The following COPG2 variants were observed in gnomAD, a reference collection of about 807,000 sequenced individuals.
COPG2 encodes the protein coat protein complex I subunit gamma 2.
In COPG2, 37 loss-of-function variants were observed where a neutral mutation model predicts 46.3. That is an observed-to-expected ratio of 0.80 (90% CI 0.61 to 1.05). The LOEUF (loss-of-function observed/expected upper bound fraction) is 1.05, where lower values mean the gene tolerates loss of function less well. COPG2 is among the 50% of genes least tolerant of loss of function. The pLI, the probability that COPG2 is intolerant of heterozygous loss-of-function variation, is 0.00. For synonymous variants in COPG2, 159 were observed against 129.7 expected (o/e 1.23, Z -1.53); for missense variants, 427 against 387.8 (o/e 1.10, Z -0.85).
At chr7:130,648,972 A>G (rs913049255) in intron 5 of COPG2, among the ~76,000 whole-genome samples, 7 of 152,032 alleles carry the variant, frequency 4.6e-5, no homozygotes, top group Non-Finnish European at 7.4e-5. Flanking sequence ...CTTTCACTTC[A>G]TCCTCTCTCT....
At chr7:130,541,533 G>C (rs1239118687) in intron 20 of COPG2, among the ~76,000 whole-genome samples, 1 of 152,050 alleles carries the variant, frequency 6.6e-6, no homozygotes, top group Non-Finnish European at 1.5e-5. Flanking sequence ...AGATGAGGAC[G>C]GGCAGAGAGC....
intron 20 of COPG2, among the ~76,000 whole-genome samples, chr7:130,516,052 T>G (rs1266322438): frequency 6.6e-6 from 1 of 152,180 alleles, no homozygotes; most frequent in African/African-American, 2.4e-5. Flanking sequence ...CAGTACTGAA[T>G]CTATGGAACT....
intron 9 of COPG2, chr7:130,607,851 AC>A (rs1379434830): frequency 1.2e-5 from 6 of 517,266 alleles, no homozygotes; most frequent in Non-Finnish European, 1.9e-5. Context: ...AAAAAACCCC[AC>A]AAATTTCACC....
chr7:130,538,582 G>A, intron 20 of COPG2, among the ~76,000 whole-genome samples: 1 of 151,892 alleles, frequency 6.6e-6, no homozygotes, highest in Non-Finnish European at 1.5e-5. Flanking sequence ...GGGGGAAGGT[G>A]CCTAAGTCAC....
rs13308586 is a variant in COPG2, at chr7:130,615,219, C to T, written c.400-1583G>A. ...AACTCATAGGAAGTTATGTACATAA[C>T]AGAATGCCAGTGCATTCTTTTATAC... On this transcript the variant is annotated intron_variant, in intron 6 of 23. Transcript: ENST00000425248. 4.6e-5 allele frequency among the ~76,000 whole-genome samples: 7 copies of T among 152,298 alleles called. No individual in the cohort carries two copies. In the East Asian group the frequency reaches 1.3e-3, roughly 29 times the overall value.
chr7:130,610,746 T>C (rs1299525032), intron 9 of COPG2: 3 of 657,718 alleles, frequency 4.6e-6, no homozygotes, highest in Non-Finnish European at 8.1e-6. Flanking sequence ...TAATGTGCTA[T>C]TAATAATTAA....
At chr7:130,561,513 C>T (rs991702011) in intron 11 of COPG2, among the ~76,000 whole-genome samples, 168 of 152,256 alleles carry the variant, frequency 1.1e-3, no homozygotes, top group African/African-American at 3.5e-3. Context: ...TGTTCATATA[C>T]GTCTATTCTA....
intron 20 of COPG2, among the ~76,000 whole-genome samples, chr7:130,515,299 T>C (rs1359318839): frequency 6.6e-6 from 1 of 151,862 alleles, no homozygotes; most frequent in Non-Finnish European, 1.5e-5. Flanking sequence ...AGGTGAATGG[T>C]GGGGAGCCAG....
chr7:130,599,123 T>C (rs1794584360), intron 9 of COPG2, among the ~76,000 whole-genome samples: 1 of 152,084 alleles, frequency 6.6e-6, no homozygotes, highest in Non-Finnish European at 1.5e-5. Context: ...AGGAAGCAGA[T>C]ATAGAAAACT....
chr7:130,509,496 G>A (rs1222700743), intron 20 of COPG2, among the ~76,000 whole-genome samples: 3 of 152,142 alleles, frequency 2.0e-5, no homozygotes, highest in African/African-American at 7.2e-5. Context: ...TTATTTGGGG[G>A]ATAGGCAAGG....
intron 20 of COPG2, among the ~76,000 whole-genome samples, chr7:130,537,092 C>CG (rs1170544770): frequency 1.3e-5 from 2 of 151,512 alleles, no homozygotes; most frequent in African/African-American, 4.8e-5. Context: ...GCATTCGTAC[C>CG]GGGGGGACGA....
At chr7:130,653,833 G>A (rs1795797809) in intron 4 of COPG2, among the ~76,000 whole-genome samples, 1 of 152,052 alleles carries the variant, frequency 6.6e-6, no homozygotes, top group African/African-American at 2.4e-5. Context: ...GAGGATCCTC[G>A]TGGTGATTAA....
At chr7:130,631,768 CTT>C (rs1423810232) in intron 5 of COPG2, among the ~76,000 whole-genome samples, 1 of 152,038 alleles carries the variant, frequency 6.6e-6, no homozygotes, top group Non-Finnish European at 1.5e-5. Flanking sequence ...AGTCAATTAA[CTT>C]TTAAAATTAC....
At chr7:130,659,224 G>T (rs180801469) in intron 4 of COPG2, among the ~76,000 whole-genome samples, 10 of 151,390 alleles carry the variant, frequency 6.6e-5, no homozygotes, top group Admixed American at 6.6e-4. Context: ...GTGTGGTGGC[G>T]GGTGCCTGTA....
chr7:130,528,816 AAAG>A (rs1370894232), intron 20 of COPG2, among the ~76,000 whole-genome samples: 18 of 152,010 alleles, frequency 1.2e-4, no homozygotes, highest in African/African-American at 4.1e-4. Flanking sequence ...GCGCTGCAGT[AAAG>A]GAGGCATGCC....
At chr7:130,637,512 A>G (rs902181925) in intron 5 of COPG2, among the ~76,000 whole-genome samples, 1 of 151,990 alleles carries the variant, frequency 6.6e-6, no homozygotes, top group Non-Finnish European at 1.5e-5. Flanking sequence ...CACTTGATCA[A>G]TTTGGCTATT....
At chr7:130,521,720 A>G (rs894537146) in intron 20 of COPG2, among the ~76,000 whole-genome samples, 3 of 152,246 alleles carry the variant, frequency 2.0e-5, no homozygotes. Flanking sequence ...GCAACATTTC[A>G]GAGTAACTTA....
At chr7:130,578,016 T>C (rs1554446562) in intron 9 of COPG2, among the ~76,000 whole-genome samples, 3 of 152,234 alleles carry the variant, frequency 2.0e-5, no homozygotes, top group Non-Finnish European at 4.4e-5. Flanking sequence ...GAGGCCTGCC[T>C]GCCTCTGTAG....
At chr7:130,584,499 G>A (rs1318132200) in intron 9 of COPG2, among the ~76,000 whole-genome samples, 1 of 151,954 alleles carries the variant, frequency 6.6e-6, no homozygotes, top group Non-Finnish European at 1.5e-5. Context: ...CATCCAAATC[G>A]ATAAAGAGGA....
Sources: gnomAD v4.1 joint callset for allele counts (sites outside exome capture counted in the v4.1 genomes callset) on GRCh38, gnomAD v4.1.1 for gene constraint, MANE v1.5 for transcripts, NCBI Gene and HGNC (gene_info 2026-07-23, HGNC 2026-07-21) for gene names.